SLC13A1: variants seen among roughly 807,000 people sequenced by gnomAD.
SLC13A1 encodes the protein solute carrier family 13 member 1.
A neutral mutation model predicts 70.0 loss-of-function variants in SLC13A1; 65 were observed. The observed-to-expected ratio is 0.93, with a 90% CI of 0.76 to 1.14. SLC13A1 has a LOEUF of 1.14. SLC13A1 is among the 50% of genes most tolerant of loss of function. The pLI is 0.00. For missense variants in SLC13A1, 726 were observed against 717.8 expected, an observed-to-expected ratio of 1.01 and a Z score of -0.13; for synonymous variants, 275 against 250.5, an observed-to-expected ratio of 1.10 and a Z score of -0.92.
intron 6 of SLC13A1, among the ~76,000 whole-genome samples, chr7:123,166,472 C>T (rs542392712): frequency 2.1e-3 from 317 of 152,012 alleles, no homozygotes; most frequent in Non-Finnish European, 3.3e-3. Context: ...TATACATGTG[C>T]CATGTTGGTG....
Position 123,147,262 on chromosome 7 carries a change from G to A in SLC13A1, c.709C>T (p.Arg237Cys), listed in dbSNP as rs139376972. Residue 237 changes from arginine to cysteine, a missense_variant, in exon 7 of 15, where the codon CGT becomes TGT. Arg to Cys is a radical substitution (Grantham distance 180, BLOSUM62 -3). Transcript: ENST00000194130. ...GCAATGCACAAACACGTAAGTTTACGTGTCACGTGGCCCTTCTTTGTTCGA... is the reference window on the plus strand; with the variant it reads ...GCAATGCACAAACACGTAAGTTTACATGTCACGTGGCCCTTCTTTGTTCGA... ...KYRTKKGHVT[R>C]KLTCLCIAYS... 1.9e-3 allele frequency: 3,129 copies of A among 1,613,510 alleles called. 5 individuals are homozygous for A. The highest frequency in any genetic ancestry group is 2.4e-3 in the Non-Finnish European group (2,889 of 1,179,810).
At chr7:123,141,191 G>C (rs948990625) in intron 7 of SLC13A1, among the ~76,000 whole-genome samples, 1 of 151,952 alleles carries the variant, frequency 6.6e-6, no homozygotes, top group African/African-American at 2.4e-5. Flanking sequence ...GGAGCATATT[G>C]TTTAATTTTC....
intron 8 of SLC13A1, among the ~76,000 whole-genome samples, chr7:123,131,447 T>A (rs887720577): frequency 6.6e-6 from 1 of 152,182 alleles, no homozygotes; most frequent in Non-Finnish European, 1.5e-5. Context: ...AAAGCCAAAT[T>A]GGCATTGCTA....
rs1793532455 is a variant in SLC13A1 at position 123,125,606 on chromosome 7, A to G, written c.1203T>C (p.Ala401=). 1 of 1,613,120 alleles carries G rather than the reference A, an allele frequency of 6.2e-7. No homozygotes were observed. Among genetic ancestry groups the G allele is most frequent in the South Asian group, 1.1e-5 (1 of 91,008 alleles). ...TAGGTGTAGTTTTAGTCAGTGTCTT[A>G]GCTGGGATAAGAAAGAATAGCAGCC... The part of the protein sequence containing the change: ...LIGLLFFLIP[A]KTLTKTTPTG... Residue 401 remains alanine (A), a synonymous_variant, in exon 11 of 15, where the codon GCT becomes GCC. Coordinates refer to ENST00000194130, the MANE Select transcript of SLC13A1 (RefSeq NM_022444.4).
chr7:123,138,488 C>T (rs1005912876), intron 7 of SLC13A1, among the ~76,000 whole-genome samples: 3 of 152,142 alleles, frequency 2.0e-5, no homozygotes, highest in African/African-American at 7.2e-5. Context: ...TGAGGAACTT[C>T]CAAACTGTTC....
At chr7:123,177,155 C>T (rs1462379758) in intron 2 of SLC13A1, among the ~76,000 whole-genome samples, 1 of 152,108 alleles carries the variant, frequency 6.6e-6, no homozygotes, top group Non-Finnish European at 1.5e-5. Flanking sequence ...CATCTTCCTC[C>T]CATTTCAATT....
chr7:123,190,597 G>A (rs1247997139), intron 1 of SLC13A1: 3 of 456,498 alleles, frequency 6.6e-6, no homozygotes, highest in South Asian at 3.1e-5. Context: ...TCTTCATCTT[G>A]GAAAAGTCAG....
chr7:123,190,465 G>A, intron 1 of SLC13A1: 1 of 429,800 alleles, frequency 2.3e-6, no homozygotes, highest in Non-Finnish European at 4.6e-6. Flanking sequence ...CACCTGGGCT[G>A]AGTACAAGCA....
chr7:123,149,568 A>C (rs1794483970), intron 6 of SLC13A1: 1 of 456,440 alleles, frequency 2.2e-6, no homozygotes, highest in Non-Finnish European at 4.4e-6. Flanking sequence ...TCTCATTTTA[A>C]ACACTAAGTT....
chr7:123,167,864 G>A (rs569650963), intron 6 of SLC13A1, among the ~76,000 whole-genome samples: 1 of 151,902 alleles, frequency 6.6e-6, no homozygotes, highest in African/African-American at 2.4e-5. Context: ...AAATGACGAC[G>A]ATGCCCCTAA....
chr7:123,119,349 A>G (rs1437881958), intron 12 of SLC13A1, 107 bp from the exon 13 acceptor site: 1 of 835,492 alleles, frequency 1.2e-6, no homozygotes, highest in African/African-American at 1.8e-5. Context: ...CACTTTCTAA[A>G]ATATAATTTT....
chr7:123,171,415 A>C (rs1185888158), intron 3 of SLC13A1, among the ~76,000 whole-genome samples: 2 of 152,222 alleles, frequency 1.3e-5, no homozygotes, highest in African/African-American at 4.8e-5. Context: ...CTGAATGTGT[A>C]ATCAGCCAAA....
rs1019322933 is a variant in SLC13A1, at chr7:123,113,839, G to A, written c.*1679C>T. 1.3e-5 allele frequency: 2 copies of A among 151,932 alleles called. No individual in the cohort carries two copies. Among genetic ancestry groups the A allele is most frequent in the Non-Finnish European group, 1.5e-5 (1 of 67,996 alleles). 9.4% of individuals were successfully genotyped at this position (151,932 alleles called of 1,614,324 possible). On this transcript the variant is annotated 3_prime_UTR_variant, in exon 15 of 15. Coordinates refer to ENST00000194130, the MANE Select transcript of SLC13A1 (RefSeq NM_022444.4). Reference sequence around the variant, plus strand: ...AATGAACATGGCCAATTAATAATTCGTATGTTAAATATTATTTTAAAAACC... The same window carrying A: ...AATGAACATGGCCAATTAATAATTCATATGTTAAATATTATTTTAAAAACC...
At chr7:123,199,618 C>A (rs762250483) in intron 1 of SLC13A1, among the ~76,000 whole-genome samples, 13 of 151,960 alleles carry the variant, frequency 8.6e-5, no homozygotes, top group Non-Finnish European at 1.8e-4. Context: ...GAGAACAATT[C>A]TGATTGAATA....
chr7:123,171,312 A>T (rs546635805), intron 3 of SLC13A1, among the ~76,000 whole-genome samples: 1 of 152,254 alleles, frequency 6.6e-6, no homozygotes, highest in African/African-American at 2.4e-5. Context: ...TCACCTTGGA[A>T]TTTTTCTGCA....
intron 1 of SLC13A1, among the ~76,000 whole-genome samples, chr7:123,182,197 T>C (rs1379479791): frequency 6.6e-6 from 1 of 152,144 alleles, no homozygotes; most frequent in Non-Finnish European, 1.5e-5. Flanking sequence ...AGCTGAGCCT[T>C]GAATGGATCT....
chr7:123,197,736 G>T (rs190849989), intron 1 of SLC13A1, among the ~76,000 whole-genome samples: 1 of 152,232 alleles, frequency 6.6e-6, no homozygotes, highest in Non-Finnish European at 1.5e-5. Flanking sequence ...CCAGACACCT[G>T]GTTCCTGCAT....
intron 6 of SLC13A1, among the ~76,000 whole-genome samples, chr7:123,156,835 C>G (rs1794731541): frequency 6.6e-6 from 1 of 152,072 alleles, no homozygotes. Context: ...CAGGGCAAAC[C>G]TATCCCTTCA....
intron 1 of SLC13A1, among the ~76,000 whole-genome samples, chr7:123,185,903 G>A (rs1188660920): frequency 6.6e-5 from 10 of 151,924 alleles, no homozygotes; most frequent in Admixed American, 2.0e-4. Flanking sequence ...TTTCAAAAGC[G>A]TCCCTCTTTG....
Sources: allele counts gnomAD v4.1 joint callset (sites outside exome capture counted in the v4.1 genomes callset), GRCh38; gene constraint gnomAD v4.1.1; transcripts MANE v1.5; gene names NCBI Gene and HGNC (gene_info 2026-07-23, HGNC 2026-07-21).